The following THTPA variants were observed in gnomAD, a reference collection of about 807,000 sequenced individuals.
THTPA encodes thiamine triphosphatase.
In THTPA, 16 loss-of-function variants were observed where a neutral mutation model predicts 16.5. The ratio of observed to expected loss-of-function variants is 0.97; its 90% CI spans 0.66 to 1.47. The LOEUF is 1.47. Ranked by LOEUF, THTPA falls within the 40% of genes most tolerant of loss-of-function variation. The probability of loss-of-function intolerance (pLI) is 0.00; values close to 1 mark genes in which losing one functional copy is unlikely to be tolerated. For synonymous variants in THTPA, 110 were observed against 115.5 expected, an observed-to-expected ratio of 0.95 and a Z score of 0.30; for missense variants, 281 against 280.9, an observed-to-expected ratio of 1.00 and a Z score of 0.00.
chr14:23,551,754 A>T (rs1473548387), upstream of THTPA: 1 of 152,472 alleles, frequency 6.6e-6, no homozygotes, highest in Non-Finnish European at 1.5e-5. This position sits in a 1 kb window ranked among gnomAD's most constrained non-coding sequence, Gnocchi z 5.3. Context: ...TAGGCGTCCC[A>T]CACAATGGAA....
the THTPA span, chr14:23,524,081 G>A: frequency 6.5e-7 from 1 of 1,526,898 alleles, no homozygotes; most frequent in Non-Finnish European, 8.8e-7. The surrounding 1 kb of genome is among the most constrained non-coding windows in gnomAD (Gnocchi z 5.6). Flanking sequence ...TTCCCTCCCA[G>A]TGCCATCATC....
the THTPA span, chr14:23,534,031 A>T: frequency 6.5e-7 from 1 of 1,536,370 alleles, no homozygotes; most frequent in Non-Finnish European, 8.7e-7. This position sits in a 1 kb window ranked among gnomAD's most constrained non-coding sequence, Gnocchi z 4.5. Context: ...GAGGCCCTGG[A>T]AGGCTGCAGG....
the THTPA span, chr14:23,523,759 A>G: frequency 1.3e-6 from 2 of 1,535,934 alleles, no homozygotes; most frequent in African/African-American, 1.4e-5. This position sits in a 1 kb window ranked among gnomAD's most constrained non-coding sequence, Gnocchi z 4.1. Flanking sequence ...GCCCCATTCC[A>G]TCTGGAACCC....
chr14:23,522,954 A>T, the THTPA span: 2 of 1,436,844 alleles, frequency 1.4e-6, no homozygotes, highest in South Asian at 2.9e-5. Flanking sequence ...AGAAAGGTGA[A>T]AGGAAGGATG....
the THTPA span, among the ~76,000 whole-genome samples, chr14:23,539,000 G>C: frequency 6.6e-6 from 1 of 152,122 alleles, no homozygotes; most frequent in Non-Finnish European, 1.5e-5. Flanking sequence ...GGAGGAGGGA[G>C]GCCTGGAGCC....
chr14:23,556,541 G>C lies in THTPA; in HGVS notation c.-217G>C. On this transcript the variant is annotated 5_prime_UTR_variant, in exon 1 of 2. Transcript: ENST00000288014. ...GTGGAAGGGATTTTACTGGAGACCT[G>C]TCACTGTCAGAGCCTTAAAATATCA... The C allele has an allele frequency of 3.4e-6, 2 of 584,564 alleles. No homozygotes were observed. The highest frequency in any genetic ancestry group is 3.0e-6 in the Non-Finnish European group (1 of 332,106). The allele number at this position is 584,564 out of a possible 1,614,324, so 36.2% of individuals were successfully genotyped here.
chr14:23,514,981 T>C, the THTPA span, among the ~76,000 whole-genome samples: 3 of 151,990 alleles, frequency 2.0e-5, no homozygotes, highest in African/African-American at 7.3e-5. Context: ...TTGAGCACCA[T>C]GCGAAAGGAA....
At chr14:23,532,453 C>T in the THTPA span, 42,877 of 1,298,226 alleles carry the variant, frequency 0.033, 864 homozygotes, top group Non-Finnish European at 0.038. Context: ...TGCATACTTT[C>T]CTTTTTCTCC....
chr14:23,542,576 C>T, the THTPA span, among the ~76,000 whole-genome samples: 2 of 152,126 alleles, frequency 1.3e-5, no homozygotes, highest in Non-Finnish European at 2.9e-5. Flanking sequence ...ATGTGGTTCT[C>T]TCGTTCTACA....
At chr14:23,546,774 A>G in the THTPA span, among the ~76,000 whole-genome samples, 270 of 152,266 alleles carry the variant, frequency 1.8e-3, 1 homozygote, top group African/African-American at 6.3e-3. This position sits in a 1 kb window ranked among gnomAD's most constrained non-coding sequence, Gnocchi z 4.7. Flanking sequence ...GTAAAGGACC[A>G]CTGTGTCGAC....
chr14:23,541,978 G>A, the THTPA span, among the ~76,000 whole-genome samples: 1 of 152,176 alleles, frequency 6.6e-6, no homozygotes, highest in African/African-American at 2.4e-5. Context: ...CCAAAAGAGA[G>A]AGAAAGAACG....
At chr14:23,548,114 TA>T in the THTPA span, among the ~76,000 whole-genome samples, 5 of 152,148 alleles carry the variant, frequency 3.3e-5, no homozygotes, top group African/African-American at 1.2e-4. Context: ...CCAAAGCCAT[TA>T]CACTTTCAAC....
At chr14:23,524,418 T>C in the THTPA span, 1 of 1,536,144 alleles carries the variant, frequency 6.5e-7, no homozygotes, top group Middle Eastern at 1.7e-4. The surrounding 1 kb of genome is among the most constrained non-coding windows in gnomAD (Gnocchi z 5.6). Context: ...TCACTGCCTG[T>C]GGGAGACAAG....
the THTPA span, chr14:23,542,829 G>A: frequency 6.6e-6 from 1 of 151,968 alleles, no homozygotes; most frequent in African/African-American, 2.4e-5. Flanking sequence ...TCTGTCTCCT[G>A]GGTTCAAGCA....
chr14:23,535,284 G>A, the THTPA span: 6 of 1,485,312 alleles, frequency 4.0e-6, no homozygotes, highest in South Asian at 1.3e-5. The surrounding 1 kb of genome is among the most constrained non-coding windows in gnomAD (Gnocchi z 4.5). Flanking sequence ...GCCCAGGGGA[G>A]GGGGTGGTAC....
In THTPA at chr14:23,557,113, C is replaced by G; in HGVS notation, c.356C>G (p.Ala119Gly). 2.5e-6 allele frequency: 4 copies of G among 1,614,174 alleles called. No homozygotes were observed. The highest frequency in any genetic ancestry group is 3.4e-6 in the Non-Finnish European group (4 of 1,180,036). The change falls in exon 1 of 2, where the codon GCT (alanine) becomes GGT (glycine). Residue 119 changes from alanine to glycine, a missense_variant. Ala to Gly is a moderately conservative substitution (Grantham distance 60). Transcript: ENST00000288014. ...VLGPLGLQEV[A>G]SFVTKRSAWK... ...GGCCCACTGGGGCTGCAGGAAGTAGCTAGTTTTGTGACTAAGCGGAGTGCC... is the reference window on the plus strand; with the variant it reads ...GGCCCACTGGGGCTGCAGGAAGTAGGTAGTTTTGTGACTAAGCGGAGTGCC...
the THTPA span, chr14:23,525,566 T>G: frequency 6.5e-7 from 1 of 1,535,272 alleles, no homozygotes; most frequent in Non-Finnish European, 8.7e-7. The surrounding 1 kb of genome is among the most constrained non-coding windows in gnomAD (Gnocchi z 5.9). Flanking sequence ...CACAGCTTGC[T>G]TCCCTTCATT....
chr14:23,532,727 C>A, the THTPA span: 2 of 1,535,484 alleles, frequency 1.3e-6, no homozygotes, highest in South Asian at 1.2e-5. Context: ...GGAAGGGGTG[C>A]CCATGGCTCC....
the THTPA span, chr14:23,526,104 T>C: frequency 1.3e-6 from 2 of 1,536,358 alleles, no homozygotes; most frequent in African/African-American, 1.4e-5. Context: ...GAATCAGTCT[T>C]GGTTCCCCGA....
Sources: allele counts gnomAD v4.1 joint callset (sites outside exome capture counted in the v4.1 genomes callset), GRCh38; gene constraint gnomAD v4.1.1; non-coding constraint Gnocchi (gnomAD v3.1); transcripts MANE v1.5; gene names NCBI Gene and HGNC (gene_info 2026-07-23, HGNC 2026-07-21).